Variants in GARIN2 observed in about 807,000 individuals in gnomAD.
The protein encoded by GARIN2 is golgi associated RAB2 interactor family member 2.
the GARIN2 span, chr14:67,199,811 G>A: frequency 3.2e-4 from 490 of 1,510,942 alleles, 1 homozygote; most frequent in African/African-American, 5.9e-3. Context: ...GCTGCCTCCT[G>A]GAGCCCTCCC....
At chr14:67,220,304 G>A in the GARIN2 span, among the ~76,000 whole-genome samples, 35 of 151,860 alleles carry the variant, frequency 2.3e-4, 1 homozygote, top group South Asian at 4.8e-3. Context: ...TTATCTGGGC[G>A]TGGTAGTGCA....
At chr14:67,225,463 C>T in the GARIN2 span, among the ~76,000 whole-genome samples, 1 of 152,124 alleles carries the variant, frequency 6.6e-6, no homozygotes, top group African/African-American at 2.4e-5. Flanking sequence ...AACATCAGCA[C>T]AGGGAGGAGG....
At chr14:67,197,891 A>T in the GARIN2 span, among the ~76,000 whole-genome samples, 2 of 152,114 alleles carry the variant, frequency 1.3e-5, no homozygotes, top group Admixed American at 1.3e-4. Flanking sequence ...AGTCCCTATC[A>T]TCCAACATCT....
the GARIN2 span, chr14:67,201,619 G>A: frequency 6.7e-6 from 3 of 444,748 alleles, no homozygotes; most frequent in Non-Finnish European, 1.4e-5. Flanking sequence ...CAAGGGGTGT[G>A]GAGTGGAACC....
chr14:67,198,872 T>A, the GARIN2 span: 1 of 657,864 alleles, frequency 1.5e-6, no homozygotes, highest in South Asian at 1.5e-5. Flanking sequence ...GTGAAATGAG[T>A]TCAATGATAG....
At chr14:67,202,498 G>C in the GARIN2 span, among the ~76,000 whole-genome samples, 1 of 152,132 alleles carries the variant, frequency 6.6e-6, no homozygotes, top group South Asian at 2.1e-4. Flanking sequence ...TCTAAAATAA[G>C]GGCAATAAAT....
chr14:67,199,812 G>A, the GARIN2 span: 2 of 1,510,430 alleles, frequency 1.3e-6, no homozygotes, highest in African/African-American at 2.8e-5. Context: ...CTGCCTCCTG[G>A]AGCCCTCCCA....
the GARIN2 span, among the ~76,000 whole-genome samples, chr14:67,211,015 A>G: frequency 1.3e-5 from 2 of 152,092 alleles, no homozygotes; most frequent in African/African-American, 4.8e-5. Flanking sequence ...ACAAACAAAA[A>G]CAGAGAATAA....
chr14:67,222,650 T>G, the GARIN2 span, among the ~76,000 whole-genome samples: 1 of 152,182 alleles, frequency 6.6e-6, no homozygotes, highest in African/African-American at 2.4e-5. Context: ...TCTAAGAATC[T>G]TTAGCCTGTA....
chr14:67,204,606 G>C, the GARIN2 span: 41 of 1,613,742 alleles, frequency 2.5e-5, no homozygotes, highest in South Asian at 4.3e-4. Context: ...AAGTAAAGCT[G>C]GTGAGTGGTC....
At chr14:67,193,621 A>G in the GARIN2 span, among the ~76,000 whole-genome samples, 7 of 146,620 alleles carry the variant, frequency 4.8e-5, no homozygotes, top group Non-Finnish European at 1.0e-4. Flanking sequence ...AGATAGAAAT[A>G]TATCTATCTA....
the GARIN2 span, among the ~76,000 whole-genome samples, chr14:67,218,695 G>A: frequency 6.6e-5 from 10 of 152,126 alleles, no homozygotes; most frequent in African/African-American, 1.7e-4. Flanking sequence ...GAGGCACTGC[G>A]GAACAGTTTC....
the GARIN2 span, among the ~76,000 whole-genome samples, chr14:67,204,254 T>C: frequency 1.3e-5 from 2 of 152,058 alleles, no homozygotes; most frequent in African/African-American, 4.8e-5. Flanking sequence ...CTGAGCAACA[T>C]GGTGAAACCT....
the GARIN2 span, among the ~76,000 whole-genome samples, chr14:67,228,027 G>T: frequency 6.6e-6 from 1 of 152,042 alleles, no homozygotes; most frequent in Non-Finnish European, 1.5e-5. Context: ...AAAATCACCT[G>T]GATGTGGTGG....
the GARIN2 span, among the ~76,000 whole-genome samples, chr14:67,213,017 G>C: frequency 6.6e-6 from 1 of 151,272 alleles, no homozygotes; most frequent in Non-Finnish European, 1.5e-5. Flanking sequence ...CTGGGAACTG[G>C]TTAAAGATGT....
chr14:67,227,996 C>T, the GARIN2 span, among the ~76,000 whole-genome samples: 3 of 151,854 alleles, frequency 2.0e-5, no homozygotes, highest in African/African-American at 7.3e-5. Flanking sequence ...ATGGTGAAAC[C>T]TCATCTCTAC....
the GARIN2 span, among the ~76,000 whole-genome samples, chr14:67,212,610 T>A: frequency 6.9e-6 from 1 of 145,276 alleles, no homozygotes; most frequent in African/African-American, 2.5e-5. Context: ...TATATATATA[T>A]ATATGTAATA....
the GARIN2 span, chr14:67,199,363 C>T: frequency 1.9e-6 from 3 of 1,614,092 alleles, no homozygotes; most frequent in Non-Finnish European, 2.5e-6. Flanking sequence ...TAGGGGCCAA[C>T]ATTTTCAATG....
the GARIN2 span, chr14:67,200,216 TG>T: frequency 9.2e-7 from 1 of 1,085,224 alleles, no homozygotes; most frequent in Non-Finnish European, 1.3e-6. Context: ...ATGGATACAC[TG>T]GCCCTCCACA....
Sources: gnomAD v4.1 joint callset for allele counts (sites outside exome capture counted in the v4.1 genomes callset) on GRCh38, gnomAD v4.1.1 for gene constraint, MANE v1.5 for transcripts, NCBI Gene and HGNC (gene_info 2026-07-23, HGNC 2026-07-21) for gene names.